CCND3: variants seen among roughly 807,000 people sequenced by gnomAD.
The protein encoded by CCND3 is cyclin D3.
CCND3 carries 9 observed loss-of-function variants against 28.7 expected under a neutral mutation model. That is an observed-to-expected ratio of 0.31 (90% CI 0.19 to 0.55). CCND3 has a LOEUF of 0.55. Among genes scored for constraint, CCND3 ranks in the 20% least tolerant of loss-of-function variants. The pLI, the probability that CCND3 is intolerant of heterozygous loss-of-function variation, is 0.93. For missense variants in CCND3, 315 were observed against 385.8 expected, an observed-to-expected ratio of 0.82 and a Z score of 1.54; for synonymous variants, 164 against 163.9, an observed-to-expected ratio of 1.00 and a Z score of 0.00.
chr6:41,979,852 C>G (rs191671830), intron 1 of CCND3, among the ~76,000 whole-genome samples: 31 of 152,012 alleles, frequency 2.0e-4, no homozygotes, highest in Non-Finnish European at 2.6e-4. Context: ...CCCAGCCTAG[C>G]CACCAACTCC....
chr6:42,019,854 G>A (rs1763647387), intron 1 of CCND3, among the ~76,000 whole-genome samples: 1 of 152,126 alleles, frequency 6.6e-6, no homozygotes, highest in Admixed American at 6.6e-5. Context: ...TAATAAAGAT[G>A]TAAGACTAGA....
chr6:41,999,117 T>C (rs775115808), intron 1 of CCND3, among the ~76,000 whole-genome samples: 2 of 152,198 alleles, frequency 1.3e-5, no homozygotes, highest in Non-Finnish European at 2.9e-5. Context: ...GTGGCCAACG[T>C]AGGATGTAAA....
intron 1 of CCND3, among the ~76,000 whole-genome samples, chr6:42,043,483 A>G (rs750648200): frequency 6.6e-6 from 1 of 152,228 alleles, no homozygotes; most frequent in Admixed American, 6.5e-5. Flanking sequence ...GTGGGCCAAG[A>G]TCGTGCCAAT....
chr6:41,962,110 T>C (rs904831856), intron 1 of CCND3, among the ~76,000 whole-genome samples: 1 of 151,722 alleles, frequency 6.6e-6, no homozygotes, highest in African/African-American at 2.4e-5. Context: ...TCTTTCTTTT[T>C]TTCTTTTGAG....
At chr6:41,959,941 G>T (rs953750944) in intron 1 of CCND3, among the ~76,000 whole-genome samples, 3 of 134,728 alleles carry the variant, frequency 2.2e-5, no homozygotes, top group Non-Finnish European at 4.7e-5. Context: ...GGGCAACAGA[G>T]CGAGACTCCG....
chr6:42,036,728 C>A (rs186414568), intron 1 of CCND3, among the ~76,000 whole-genome samples: 1 of 151,350 alleles, frequency 6.6e-6, no homozygotes, highest in Non-Finnish European at 1.5e-5. Flanking sequence ...TAATGAGATA[C>A]CTGCCTGAGG....
At chr6:41,995,724 T>C (rs760219215) in intron 1 of CCND3, among the ~76,000 whole-genome samples, 2 of 152,158 alleles carry the variant, frequency 1.3e-5, no homozygotes, top group Non-Finnish European at 2.9e-5. Flanking sequence ...TTTATAAATA[T>C]GTGCTCTTTT....
intron 1 of CCND3, among the ~76,000 whole-genome samples, chr6:41,947,647 T>C (rs1471120042): frequency 3.3e-5 from 5 of 152,216 alleles, no homozygotes; most frequent in African/African-American, 1.2e-4. Flanking sequence ...TTACTTCCTC[T>C]GTCCAAACTC....
At chr6:41,980,323 A>T (rs554417041) in intron 1 of CCND3, among the ~76,000 whole-genome samples, 8 of 152,126 alleles carry the variant, frequency 5.3e-5, no homozygotes, top group African/African-American at 1.9e-4. Flanking sequence ...TTTAGTTGAG[A>T]CGGGGTTTTA....
intron 1 of CCND3, among the ~76,000 whole-genome samples, chr6:41,962,315 G>A (rs535569199): frequency 6.6e-6 from 1 of 152,022 alleles, no homozygotes; most frequent in South Asian, 2.1e-4. Context: ...GACCAGGCTG[G>A]TCTTGAACTC....
At chr6:41,970,924 T>C (rs529330130) in intron 1 of CCND3, among the ~76,000 whole-genome samples, 20 of 152,014 alleles carry the variant, frequency 1.3e-4, no homozygotes, top group Non-Finnish European at 2.6e-4. Flanking sequence ...TTCTTTTTTT[T>C]TTCCCCCCCT....
intron 1 of CCND3, among the ~76,000 whole-genome samples, chr6:41,960,725 G>A (rs373943734): frequency 6.6e-6 from 1 of 152,318 alleles, no homozygotes; most frequent in East Asian, 1.9e-4. Flanking sequence ...TGGACAGAGG[G>A]ATGGATGGTG....
At chr6:41,937,158 A>T in intron 3 of CCND3, 77 bp downstream of exon 3, 1 of 1,497,904 alleles carries the variant, frequency 6.7e-7, no homozygotes, top group Non-Finnish European at 9.3e-7. Flanking sequence ...AGTATAAACC[A>T]GAATCTTCAG....
At chr6:42,024,796 T>C (rs548386028) in intron 1 of CCND3, among the ~76,000 whole-genome samples, 2 of 152,160 alleles carry the variant, frequency 1.3e-5, no homozygotes, top group Non-Finnish European at 2.9e-5. Context: ...CAGTGGCTCA[T>C]GCCTGTAATC....
rs1159332536 is a variant in CCND3, at chr6:42,001,007, G to A, written c.-46+47494C>T. ...TCCCAGTACTTTGGGAGGCCGAGGC[G>A]GGCAGATCACCTGGGGTCAGAAGTT... On this transcript the variant is annotated intron_variant, in intron 1 of 4. Transcript: ENST00000372988. Among the ~76,000 whole-genome samples, 10 of 151,764 alleles carry A rather than the reference G, an allele frequency of 6.6e-5. No individual in the cohort carries two copies. In the South Asian group the frequency reaches 1.5e-3, roughly 22 times the overall value.
Position 42,044,580 on chromosome 6 carries a change from CG to C in CCND3, c.-46+3920del, listed in dbSNP as rs1764474482. 3.3e-5 allele frequency among the ~76,000 whole-genome samples: 5 copies of C among 152,212 alleles called. 1 individual carries two copies. In the South Asian group the frequency reaches 1.0e-3, roughly 32 times the overall value. On this transcript the variant is annotated intron_variant, in intron 1 of 4. Transcript: ENST00000372988. The stretch of plus-strand genomic sequence containing the variant: ...AAGCCCCATTTGTTAGAAAGTTCTA[CG>C]TTTTTTGAAAATCTGCCTCCACTAG...
intron 1 of CCND3, among the ~76,000 whole-genome samples, chr6:42,016,945 G>A (rs558564287): frequency 2.2e-4 from 34 of 152,246 alleles, no homozygotes; most frequent in African/African-American, 7.9e-4. Context: ...CCTGCTAAGT[G>A]GGCAAAGGAG....
Position 41,938,791 on chromosome 6 carries a change from T to C in CCND3, c.415-1397A>G, listed in dbSNP as rs1328951180. On this transcript the variant is annotated intron_variant, in intron 2 of 4. Coordinates refer to ENST00000372991, the MANE Select transcript of CCND3 (RefSeq NM_001760.5). This position sits in a 1 kb window ranked among gnomAD's most constrained non-coding sequence, Gnocchi z 4.6. ...AGACCCAGGTTCTACACTCATCTGC[T>C]CAGTGCGATGCTGAGGCAGGACCTT... 6.7e-6 allele frequency among the ~76,000 whole-genome samples: 1 copy of C among 148,828 alleles called. No homozygotes were observed. The highest frequency in any genetic ancestry group is 6.7e-5 in the Admixed American group (1 of 14,936).
chr6:42,023,440 TCAAA>T (rs1763772834), intron 1 of CCND3, among the ~76,000 whole-genome samples: 1 of 152,152 alleles, frequency 6.6e-6, no homozygotes, highest in African/African-American at 2.4e-5. Flanking sequence ...TAAGGTGTCT[TCAAA>T]CAGAAACACA....
Sources: gnomAD v4.1 joint callset for allele counts (sites outside exome capture counted in the v4.1 genomes callset) on GRCh38, gnomAD v4.1.1 for gene constraint, Gnocchi (gnomAD v3.1) non-coding constraint, MANE v1.5 for transcripts, NCBI Gene and HGNC (gene_info 2026-07-23, HGNC 2026-07-21) for gene names.